Variants in GRIA1 observed in about 807,000 individuals in gnomAD.
The protein encoded by GRIA1 is glutamate receptor 1.
GRIA1 carries 31 observed loss-of-function variants against 99.2 expected under a neutral mutation model. That is an observed-to-expected ratio of 0.31 (90% CI 0.23 to 0.42). The LOEUF is 0.42. GRIA1 is among the 10% of genes least tolerant of loss of function. The pLI is 1.00. For missense variants in GRIA1, 782 were observed against 1,157.5 expected (o/e 0.68, Z 4.71); for synonymous variants, 438 against 432.4 (o/e 1.01, Z -0.16).
At position 153,490,826 on chromosome 5, in the gene GRIA1, G is replaced by A; in HGVS notation, c.-63G>A. ...GAACAGCGAGAAGAATAAAGGGAAA[G>A]GGGGGGAAACACCAAATCTATGATT... On this transcript the variant is annotated 5_prime_UTR_variant, in exon 1 of 16. Transcript: ENST00000285900. The A allele has an allele frequency of 8.6e-7, 1 of 1,167,186 alleles. No individual in the cohort carries two copies. Among genetic ancestry groups the A allele is most frequent in the East Asian group, 2.3e-5 (1 of 42,852 alleles). The allele number at this position is 1,167,186 out of a possible 1,614,324, so 72.3% of individuals were successfully genotyped here.
chr5:153,794,431 CAAT>C (rs1372908976), intron 13 of GRIA1, among the ~76,000 whole-genome samples, 187 bp from the exon 14 acceptor site: 5 of 152,290 alleles, frequency 3.3e-5, no homozygotes, highest in South Asian at 2.1e-4. Context: ...TAATGGGAGT[CAAT>C]GATGGAGACT....
At chr5:153,756,906 G>A (rs1762870045) in intron 11 of GRIA1, among the ~76,000 whole-genome samples, 1 of 152,134 alleles carries the variant, frequency 6.6e-6, no homozygotes, top group Admixed American at 6.5e-5. Context: ...TAAAGAGATT[G>A]ACATACATCC....
intron 3 of GRIA1, among the ~76,000 whole-genome samples, chr5:153,649,727 G>T (rs112029219): frequency 9.4e-4 from 143 of 152,262 alleles, no homozygotes; most frequent in African/African-American, 3.1e-3. Context: ...CTCCCAAAGT[G>T]CTGGGATTAC....
rs186456350 is a variant in GRIA1 at position 153,496,240 on chromosome 5, A to G, written c.220+2175A>G. Among the ~76,000 whole-genome samples the G allele has an allele frequency of 5.9e-5, 9 of 152,334 alleles. No individual in the cohort carries two copies. In the East Asian group the frequency reaches 1.2e-3, roughly 20 times the overall value. On this transcript the variant is annotated intron_variant, in intron 2 of 15. Coordinates refer to ENST00000285900, the MANE Select transcript of GRIA1 (RefSeq NM_000827.4). The stretch of plus-strand genomic sequence containing the variant: ...GGGAGACAGAAATATGATACAGACA[A>G]TGTTGTTCATTTTGGTCAACAGGCC...
intron 14 of GRIA1, among the ~76,000 whole-genome samples, chr5:153,799,851 C>A: frequency 6.6e-6 from 1 of 152,108 alleles, no homozygotes; most frequent in Non-Finnish European, 1.5e-5. Context: ...TTAGGCCCTC[C>A]TTCTTTGCCT....
chr5:153,610,446 G>A (rs552809185), intron 2 of GRIA1, among the ~76,000 whole-genome samples: 1 of 152,328 alleles, frequency 6.6e-6, no homozygotes, highest in African/African-American at 2.4e-5. Flanking sequence ...CAGATTCCCT[G>A]GGGAAGACAA....
intron 2 of GRIA1, among the ~76,000 whole-genome samples, chr5:153,570,987 G>A (rs1287318512): frequency 1.3e-5 from 2 of 152,126 alleles, no homozygotes; most frequent in East Asian, 1.9e-4. Context: ...ATTGAGATGA[G>A]GAAAGAAATG....
chr5:153,533,418 G>GAGGTACA (rs1399611010), intron 2 of GRIA1, among the ~76,000 whole-genome samples: 2 of 152,086 alleles, frequency 1.3e-5, no homozygotes, highest in African/African-American at 4.8e-5. Context: ...CTTGGAAAGA[G>GAGGTACA]AGGTACAAGG....
chr5:153,715,390 T>A (rs1189338779), intron 11 of GRIA1, among the ~76,000 whole-genome samples: 2 of 152,066 alleles, frequency 1.3e-5, no homozygotes, highest in Admixed American at 6.5e-5. Context: ...CCAACTCCAA[T>A]TACTCCTCTG....
chr5:153,779,466 T>G (rs1000688933), intron 13 of GRIA1, among the ~76,000 whole-genome samples: 1 of 152,216 alleles, frequency 6.6e-6, no homozygotes, highest in Non-Finnish European at 1.5e-5. Flanking sequence ...AGCACTAGGC[T>G]AGGCTGCAGA....
intron 13 of GRIA1, among the ~76,000 whole-genome samples, chr5:153,773,577 T>A (rs1000745056): frequency 2.0e-5 from 3 of 152,186 alleles, no homozygotes; most frequent in African/African-American, 7.2e-5. Flanking sequence ...AAAGACACTT[T>A]CTAGAACAAA....
At chr5:153,579,901 A>C (rs1444569378) in intron 2 of GRIA1, among the ~76,000 whole-genome samples, 9 of 151,896 alleles carry the variant, frequency 5.9e-5, no homozygotes, top group East Asian at 5.8e-4. Context: ...ACAAACAAAA[A>C]AAAAAAAACA....
At chr5:153,491,333 G>GT (rs2113167498) in intron 1 of GRIA1, 1 of 1,164,680 alleles carries the variant, frequency 8.6e-7, no homozygotes, top group East Asian at 4.7e-5. Context: ...CATTTTTAAT[G>GT]TAAGTATGTA....
intron 11 of GRIA1, among the ~76,000 whole-genome samples, chr5:153,713,106 G>A (rs182102628): frequency 2.0e-5 from 3 of 152,284 alleles, no homozygotes; most frequent in East Asian, 1.9e-4. Context: ...GTCAAAAGCC[G>A]TAAACATGGA....
intron 8 of GRIA1, among the ~76,000 whole-genome samples, chr5:153,694,302 C>T (rs140198596): frequency 4.7e-4 from 72 of 152,000 alleles, no homozygotes; most frequent in Non-Finnish European, 5.9e-4. Context: ...TGGGATTTTA[C>T]GGCAGTTTTA....
intron 2 of GRIA1, among the ~76,000 whole-genome samples, chr5:153,506,173 G>C (rs17114677): frequency 0.026 from 3,884 of 152,288 alleles, 65 homozygotes; most frequent in South Asian, 0.043. Flanking sequence ...ATGGTCTCAG[G>C]CATTGGAAGC....
chr5:153,802,329 C>T (rs775007042), intron 14 of GRIA1, 27 bp from the exon 15 acceptor site: 2 of 1,611,976 alleles, frequency 1.2e-6, no homozygotes, highest in Non-Finnish European at 1.7e-6. Flanking sequence ...TTCCCCCTCC[C>T]CTTCCTTTCC....
chr5:153,573,407 C>G (rs73285886), intron 2 of GRIA1: 4 of 152,132 alleles, frequency 2.6e-5, no homozygotes, highest in Non-Finnish European at 5.9e-5. Flanking sequence ...ATGATTAAGT[C>G]GGATGATTCT....
intron 2 of GRIA1, among the ~76,000 whole-genome samples, chr5:153,507,759 A>G (rs1447618289): frequency 1.3e-5 from 2 of 152,196 alleles, no homozygotes; most frequent in African/African-American, 4.8e-5. Flanking sequence ...AAAAAATATC[A>G]GTGGCTTCCC....
Sources: allele counts gnomAD v4.1 joint callset (sites outside exome capture counted in the v4.1 genomes callset), GRCh38; gene constraint gnomAD v4.1.1; transcripts MANE v1.5; gene names NCBI Gene and HGNC (gene_info 2026-07-23, HGNC 2026-07-21).